ZSCAN23: variants seen among roughly 807,000 people sequenced by gnomAD.
ZSCAN23 encodes the protein zinc finger and SCAN domain containing 23.
Under a neutral mutation model 19.3 loss-of-function variants are expected in ZSCAN23, and 19 were observed. The observed-to-expected ratio is 0.99, with a 90% CI of 0.69 to 1.45. The LOEUF (loss-of-function observed/expected upper bound fraction) is 1.45, where lower values mean the gene tolerates loss of function less well. ZSCAN23 is among the 40% of genes most tolerant of loss of function. ZSCAN23 has a pLI of 0.00. For missense variants in ZSCAN23, 372 were observed against 462.5 expected (o/e 0.80, Z 1.79); for synonymous variants, 140 against 166.2 (o/e 0.84, Z 1.21).
chr6:28,436,283 C>T lies in ZSCAN23; in HGVS notation c.-17G>A, dbSNP rs1029643546. On this transcript the variant is annotated 5_prime_UTR_variant, in exon 2 of 4. Coordinates refer to ENST00000289788, the MANE Select transcript of ZSCAN23 (RefSeq NM_001012455.2). ...TATGGCCATCAAAGGTTTAACTATT[C>T]AGAAAAATAATCTATTCTTGATAAT... 2.0e-6 allele frequency: 3 copies of T among 1,502,048 alleles called. No individual in the cohort carries two copies. Among genetic ancestry groups the T allele is most frequent in the Admixed American group, 2.3e-5 (1 of 43,860 alleles). The allele number at this position is 1,502,048 out of a possible 1,614,324, so 93.0% of individuals were successfully genotyped here.
chr6:28,430,237 G>A (rs899040604), downstream of ZSCAN23, among the ~76,000 whole-genome samples: 2 of 152,022 alleles, frequency 1.3e-5, no homozygotes, highest in African/African-American at 2.4e-5. Flanking sequence ...TCCTCAATTC[G>A]GCCCCAACGA....
At chr6:28,439,702 A>C (rs573312517) in intron 1 of ZSCAN23, among the ~76,000 whole-genome samples, 1 of 152,332 alleles carries the variant, frequency 6.6e-6, no homozygotes, top group Admixed American at 6.5e-5. Flanking sequence ...TTTAATCCTC[A>C]AAACAACCAT....
intron 1 of ZSCAN23, among the ~76,000 whole-genome samples, chr6:28,436,994 T>C (rs1761903948): frequency 6.6e-6 from 1 of 152,194 alleles, no homozygotes. Context: ...AAACCAACAC[T>C]GCCTATCTTT....
chr6:28,436,201 C>A lies in ZSCAN23; in HGVS notation c.66G>T (p.Lys22Asn). Residue 22 changes from lysine (K) to asparagine (N), a missense_variant, in exon 2 of 4, where the codon AAG (lysine) becomes AAT (asparagine). Transcript: ENST00000289788. ...CACAGGAATGTTCCTCCTCTTCCTC[C>A]TTTACCTTCACTGCCAGAAGTCCTT... is the stretch of plus-strand genomic sequence containing the variant. Reference protein sequence around the residue: ...MQEGLLAVKVKEEEEEHSCGP... With the variant: ...MQEGLLAVKVNEEEEEHSCGP... 2.6e-6 allele frequency: 4 copies of A among 1,553,688 alleles called. 1 individual carries two copies.
At chr6:28,442,328 G>C (rs1175934459) in intron 1 of ZSCAN23, among the ~76,000 whole-genome samples, 3 of 152,084 alleles carry the variant, frequency 2.0e-5, no homozygotes, top group Admixed American at 1.3e-4. Flanking sequence ...CACAAAACCT[G>C]GCATATAAAC....
rs1208013806 is a variant in ZSCAN23, at chr6:28,443,448, T to A, written c.-127A>T. 1 of 152,270 alleles carries A rather than the reference T, an allele frequency of 6.6e-6. No homozygotes were observed. Among genetic ancestry groups the A allele is most frequent in the Non-Finnish European group, 1.5e-5 (1 of 68,062 alleles). 9.4% of individuals were successfully genotyped at this position (152,270 alleles called of 1,614,324 possible). On this transcript the variant is annotated 5_prime_UTR_variant, in exon 1 of 4. Transcript: ENST00000289788. ...CACCTAGCGCAGATCACATCTGCTC[T>A]GAATCCTTGACAACCGCAGCCCAAA...
chr6:28,438,158 A>G (rs66542396), intron 1 of ZSCAN23, among the ~76,000 whole-genome samples: 59,672 of 151,828 alleles, frequency 0.39, 12,218 homozygotes, highest in African/African-American at 0.5. Flanking sequence ...GTACAGTGGC[A>G]CAATCTCAGC....
At chr6:28,440,461 T>A (rs1403808676) in intron 1 of ZSCAN23, among the ~76,000 whole-genome samples, 1 of 152,142 alleles carries the variant, frequency 6.6e-6, no homozygotes, top group African/African-American at 2.4e-5. Context: ...AGGGAAGAGA[T>A]CATCATGGCT....
chr6:28,436,009 C>T lies in ZSCAN23; in HGVS notation c.258G>A (p.Gln86=), dbSNP rs533149890. ...WLRPEMHTKE[Q]ILELLVLEQF... ...GCTCCAGCACCAGCAGCTCTAGGAT[C>T]TGCTCCTTGGTGTGCATCTCTGGTC... The change falls in exon 2 of 4, where the codon CAG becomes CAA. Residue 86 remains glutamine, a synonymous_variant. Transcript: ENST00000289788. 1 of 1,614,226 alleles carries T rather than the reference C, an allele frequency of 6.2e-7. No homozygotes were observed. The highest frequency in any genetic ancestry group is 1.1e-5 in the South Asian group (1 of 91,088).
intron 1 of ZSCAN23, among the ~76,000 whole-genome samples, chr6:28,442,749 A>G: frequency 6.6e-6 from 1 of 152,070 alleles, no homozygotes. Context: ...TACACCCCTT[A>G]CTCGCTCTAC....
chr6:28,437,575 T>G (rs1761919216), intron 1 of ZSCAN23, among the ~76,000 whole-genome samples: 1 of 152,064 alleles, frequency 6.6e-6, no homozygotes, highest in Non-Finnish European at 1.5e-5. Flanking sequence ...AGAGCAAGAC[T>G]CTGTCTCAAA....
intron 1 of ZSCAN23, among the ~76,000 whole-genome samples, chr6:28,438,748 G>A (rs1358940552): frequency 3.9e-5 from 6 of 152,082 alleles, no homozygotes; most frequent in Non-Finnish European, 7.4e-5. Context: ...GTCTCCTACC[G>A]GGTCCCTCCC....
rs79706082 is a variant in ZSCAN23, at chr6:28,439,101, A to C, written c.-77-2758T>G. 9.2e-3 allele frequency among the ~76,000 whole-genome samples: 1,347 copies of C among 146,690 alleles called. 12 individuals carry two copies. The highest frequency in any genetic ancestry group is 0.067 in the East Asian group (340 of 5,042). ...AATCTGCAAATTCATGTTTTCCCCC[A>C]CTTTTTTTTTTTTTGAGACGGAATC... On this transcript the variant is annotated intron_variant, in intron 1 of 3. Coordinates refer to ENST00000289788, the MANE Select transcript of ZSCAN23 (RefSeq NM_001012455.2).
intron 1 of ZSCAN23, among the ~76,000 whole-genome samples, chr6:28,441,874 A>ATTT (rs371867784): frequency 0.045 from 5,879 of 130,902 alleles, 181 homozygotes; most frequent in Non-Finnish European, 0.063. Flanking sequence ...CTGGTTGTTA[A>ATTT]TTTTTTTTTT....
chr6:28,427,481 T>TA, downstream of ZSCAN23, among the ~76,000 whole-genome samples: 1 of 152,352 alleles, frequency 6.6e-6, no homozygotes, highest in East Asian at 1.9e-4. Context: ...ACTATACACC[T>TA]AGGCTATAGT....
rs1269168671 is a variant in ZSCAN23 at position 28,433,912 on chromosome 6, T to G, written c.*553A>C. On this transcript the variant is annotated 3_prime_UTR_variant, in exon 4 of 4. Transcript: ENST00000289788. ...AATAACATATGGCTGCTTCAGTTCC[T>G]TGGTTCCTAAAGGCTAACTAAAAAA... 1 of 152,208 alleles carries G rather than the reference T, an allele frequency of 6.6e-6. No individual in the cohort carries two copies. Among genetic ancestry groups the G allele is most frequent in the Non-Finnish European group, 1.5e-5 (1 of 68,060 alleles). 9.4% of individuals were successfully genotyped at this position (152,208 alleles called of 1,614,324 possible).
chr6:28,422,370 A>T, the ZSCAN23 span, among the ~76,000 whole-genome samples: 49 of 152,318 alleles, frequency 3.2e-4, no homozygotes, highest in Non-Finnish European at 6.8e-4. The surrounding 1 kb of genome is among the most constrained non-coding windows in gnomAD (Gnocchi z 4.0). Flanking sequence ...TGTCAGCTAC[A>T]TATAGGTATT....
rs982799514 is a variant in ZSCAN23, at chr6:28,436,298, T to C, written c.-32A>G. On this transcript the variant is annotated 5_prime_UTR_variant, in exon 2 of 4. Coordinates refer to ENST00000289788, the MANE Select transcript of ZSCAN23 (RefSeq NM_001012455.2). Reference sequence around the variant, plus strand: ...TTTAACTATTCAGAAAAATAATCTATTCTTGATAATTCTCCCTTGATCTTT... The same window carrying C: ...TTTAACTATTCAGAAAAATAATCTACTCTTGATAATTCTCCCTTGATCTTT... The C allele has an allele frequency of 2.0e-6, 3 of 1,468,748 alleles. No homozygotes were observed. The highest frequency in any genetic ancestry group is 5.0e-5 in the Admixed American group (2 of 39,704). 91.0% of individuals were successfully genotyped at this position (1,468,748 alleles called of 1,614,324 possible).
chr6:28,435,160 G>A, intron 3 of ZSCAN23, 82 bp from the exon 4 acceptor site: 1 of 1,434,748 alleles, frequency 7.0e-7, no homozygotes, highest in Non-Finnish European at 9.2e-7. Context: ...AAAAAAAGTG[G>A]CCAGGAGAAT....
Sources: gnomAD v4.1 joint callset for allele counts (sites outside exome capture counted in the v4.1 genomes callset) on GRCh38, gnomAD v4.1.1 for gene constraint, Gnocchi (gnomAD v3.1) non-coding constraint, MANE v1.5 for transcripts, NCBI Gene and HGNC (gene_info 2026-07-23, HGNC 2026-07-21) for gene names.